TNR: variants seen among roughly 807,000 people sequenced by gnomAD.
The protein encoded by TNR is tenascin-R.
Under a neutral mutation model 150.4 loss-of-function variants are expected in TNR, and 45 were observed. The ratio of observed to expected loss-of-function variants is 0.30; its 90% confidence interval spans 0.24 to 0.38. The LOEUF (loss-of-function observed/expected upper bound fraction) is 0.38. Ranked by LOEUF, TNR falls within the 10% of genes least tolerant of loss-of-function variation. The pLI is 1.00. For missense variants in TNR, 1,544 were observed against 1,759.1 expected (o/e 0.88, Z 2.19); for synonymous variants, 687 against 678.4 (o/e 1.01, Z -0.20).
chr1:175,481,335 A>G (rs1251737760), intron 2 of TNR, among the ~76,000 whole-genome samples: 1 of 152,212 alleles, frequency 6.6e-6, no homozygotes, highest in African/African-American at 2.4e-5. Flanking sequence ...AACATTTTCC[A>G]ACATCTGTAC....
At chr1:175,656,362 G>A (rs1441443887) in intron 1 of TNR, among the ~76,000 whole-genome samples, 2 of 152,180 alleles carry the variant, frequency 1.3e-5, no homozygotes, top group South Asian at 2.1e-4. Context: ...TAAGCTGTCA[G>A]ACGAAAATAT....
chr1:175,703,584 G>T (rs1383299147), intron 1 of TNR, among the ~76,000 whole-genome samples: 1 of 152,128 alleles, frequency 6.6e-6, no homozygotes, highest in Non-Finnish European at 1.5e-5. Flanking sequence ...TGTAAGTAAT[G>T]ATCATTTACC....
intron 1 of TNR, among the ~76,000 whole-genome samples, chr1:175,564,078 A>G (rs2102212922): frequency 6.6e-6 from 1 of 152,354 alleles, no homozygotes; most frequent in Admixed American, 6.5e-5. Flanking sequence ...GCAAAAGCAT[A>G]ATTATTAGCT....
chr1:175,346,098 G>GA (rs541859252), intron 18 of TNR, among the ~76,000 whole-genome samples: 4 of 152,056 alleles, frequency 2.6e-5, no homozygotes, highest in Non-Finnish European at 1.5e-5. Flanking sequence ...TTCAATGTAT[G>GA]AAAAAAACCA....
At position 175,362,736 on chromosome 1, in the gene TNR, G is replaced by A. The variant is rs138173384; in HGVS notation, c.2781C>T (p.Thr927=). 61 of 1,613,980 alleles carry A rather than the reference G, an allele frequency of 3.8e-5. No homozygotes were observed. The Middle Eastern group carries it at 4.9e-4, about 13-fold the overall frequency. ...CGCTGTTGAGGCTGATTTCGTATTCGGTAGCTGGGTTCAGTCTGGTGATGG... is the reference window on the plus strand; with the variant it reads ...CGCTGTTGAGGCTGATTTCGTATTCAGTAGCTGGGTTCAGTCTGGTGATGG... ...EFTITRLNPA[T]EYEISLNSVR... The change falls in exon 14 of 23, where the codon ACC becomes ACT. Residue 927 remains threonine (T), a synonymous_variant. Coordinates refer to ENST00000367674, the MANE Select transcript of TNR (RefSeq NM_003285.3).
At chr1:175,372,937 C>T (rs868609088) in intron 9 of TNR, among the ~76,000 whole-genome samples, 1 of 152,196 alleles carries the variant, frequency 6.6e-6, no homozygotes, top group Non-Finnish European at 1.5e-5. Flanking sequence ...CCCCAAGGAA[C>T]TTGCAGTCAA....
At chr1:175,542,989 AACC>A (rs1195638787) in intron 1 of TNR, among the ~76,000 whole-genome samples, 1 of 152,170 alleles carries the variant, frequency 6.6e-6, no homozygotes, top group Non-Finnish European at 1.5e-5. Context: ...CATGAGACAC[AACC>A]ATGCAGTCAC....
At chr1:175,537,675 G>A (rs576595514) in intron 1 of TNR, among the ~76,000 whole-genome samples, 1 of 152,352 alleles carries the variant, frequency 6.6e-6, no homozygotes, top group Non-Finnish European at 1.5e-5. Context: ...GGCATTTGAT[G>A]AAGGACTCTG....
chr1:175,523,092 A>G (rs951278694), intron 2 of TNR, among the ~76,000 whole-genome samples: 4 of 152,170 alleles, frequency 2.6e-5, no homozygotes, highest in Non-Finnish European at 4.4e-5. Flanking sequence ...ATTTCTCAAT[A>G]TTTGTACATG....
chr1:175,575,539 C>T (rs1662068369), intron 1 of TNR, among the ~76,000 whole-genome samples: 1 of 152,160 alleles, frequency 6.6e-6, no homozygotes, highest in African/African-American at 2.4e-5. Context: ...CATAGACACC[C>T]AATAAATGTA....
At chr1:175,669,017 A>T (rs1258873253) in intron 1 of TNR, among the ~76,000 whole-genome samples, 1 of 152,156 alleles carries the variant, frequency 6.6e-6, no homozygotes, top group Non-Finnish European at 1.5e-5. Flanking sequence ...CTGCACTGGG[A>T]GGCAGCTTCC....
chr1:175,706,159 T>C (rs1299759622), intron 1 of TNR, among the ~76,000 whole-genome samples: 1 of 152,170 alleles, frequency 6.6e-6, no homozygotes, highest in African/African-American at 2.4e-5. Flanking sequence ...TTTAAAAAAC[T>C]CATTCCATAA....
chr1:175,513,878 G>A (rs970423450), intron 2 of TNR, among the ~76,000 whole-genome samples: 2 of 152,208 alleles, frequency 1.3e-5, no homozygotes, highest in Non-Finnish European at 2.9e-5. Flanking sequence ...TTGTGAAAAT[G>A]TAGATTCTGA....
intron 2 of TNR, among the ~76,000 whole-genome samples, chr1:175,441,761 CTGA>C (rs1655796913): frequency 6.6e-6 from 1 of 152,054 alleles, no homozygotes; most frequent in Non-Finnish European, 1.5e-5. Flanking sequence ...GCCTTCCCAG[CTGA>C]TGATTTCTGA....
intron 1 of TNR, among the ~76,000 whole-genome samples, chr1:175,546,864 G>C (rs1660708637): frequency 6.6e-6 from 1 of 152,184 alleles, no homozygotes; most frequent in South Asian, 2.1e-4. Flanking sequence ...AAGGGTCATG[G>C]AGGTGGGCAA....
At chr1:175,408,388 T>A (rs1654055453) in intron 2 of TNR, among the ~76,000 whole-genome samples, 1 of 152,202 alleles carries the variant, frequency 6.6e-6, no homozygotes, top group Non-Finnish European at 1.5e-5. Context: ...ACTGGTCTGT[T>A]CCATTTCAGT....
At chr1:175,498,011 G>A (rs1177932750) in intron 2 of TNR, among the ~76,000 whole-genome samples, 1 of 152,142 alleles carries the variant, frequency 6.6e-6, no homozygotes, top group African/African-American at 2.4e-5. Context: ...AGTAAGCCGA[G>A]ATCATGCCAC....
intron 1 of TNR, among the ~76,000 whole-genome samples, chr1:175,573,944 C>G (rs975279129): frequency 1.3e-5 from 2 of 152,222 alleles, no homozygotes; most frequent in African/African-American, 4.8e-5. Flanking sequence ...AACAAAAAAC[C>G]TCAGTCTTCT....
Position 175,317,822 on chromosome 1 carries a change from G to A in TNR, c.*5535C>T, listed in dbSNP as rs532184186. 2 of 152,382 alleles carry A rather than the reference G, an allele frequency of 1.3e-5. No homozygotes were observed. The highest frequency in any genetic ancestry group is 6.5e-5 in the Admixed American group (1 of 15,304). 9.4% of individuals were successfully genotyped at this position (152,382 alleles called of 1,614,324 possible). A position where few individuals can be genotyped will look rare whatever the true frequency, so the allele number is the denominator to read the frequency against. On this transcript the variant is annotated 3_prime_UTR_variant, in exon 23 of 23. Coordinates refer to ENST00000367674, the MANE Select transcript of TNR (RefSeq NM_003285.3). ...ATCAGAGGGGGCTGAGTGTGTCTGA[G>A]GAACAAGAGCTGTGTTATTTGGATG...
Sources: gnomAD v4.1 joint callset for allele counts (sites outside exome capture counted in the v4.1 genomes callset) on GRCh38, gnomAD v4.1.1 for gene constraint, MANE v1.5 for transcripts, NCBI Gene and HGNC (gene_info 2026-07-23, HGNC 2026-07-21) for gene names.